Variants in CES5A observed in about 807,000 individuals in gnomAD.
CES5A encodes carboxylesterase 5.
Under a neutral mutation model 62.9 loss-of-function variants are expected in CES5A, and 67 were observed. The ratio of observed to expected loss-of-function variants is 1.07; its 90% CI spans 0.88 to 1.31. CES5A has a LOEUF of 1.31. Among genes scored for constraint, CES5A ranks in the 50% most tolerant of loss-of-function variants. The pLI is 0.00. For missense variants in CES5A, 748 were observed against 708.5 expected, an observed-to-expected ratio of 1.06 and a Z score of -0.63; for synonymous variants, 296 against 280.8, an observed-to-expected ratio of 1.05 and a Z score of -0.54.
intron 2 of CES5A, among the ~76,000 whole-genome samples, chr16:55,945,499 C>T (rs1480663885): frequency 1.3e-5 from 2 of 152,224 alleles, no homozygotes; most frequent in Non-Finnish European, 2.9e-5. Flanking sequence ...GCAAATTGGG[C>T]ATCCTAAATC....
upstream of CES5A, among the ~76,000 whole-genome samples, chr16:55,928,087 G>C (rs924070995): frequency 6.6e-6 from 1 of 151,936 alleles, no homozygotes; most frequent in East Asian, 1.9e-4. Flanking sequence ...ACTAAAAATA[G>C]AAAAAATTAG....
intron 6 of CES5A, among the ~76,000 whole-genome samples, chr16:55,862,308 C>A (rs1398592171): frequency 2.0e-5 from 3 of 152,162 alleles, no homozygotes; most frequent in African/African-American, 7.2e-5. Flanking sequence ...GTTACAGACC[C>A]TCTCCCTGGG....
At chr16:55,941,438 A>G (rs2034445172) in intron 2 of CES5A, among the ~76,000 whole-genome samples, 1 of 152,108 alleles carries the variant, frequency 6.6e-6, no homozygotes, top group Admixed American at 6.5e-5. Context: ...TGAAAACTAT[A>G]AGAAATGCTT....
chr16:55,931,690 C>T (rs777221557), intron 2 of CES5A, among the ~76,000 whole-genome samples: 13 of 152,160 alleles, frequency 8.5e-5, no homozygotes, highest in Non-Finnish European at 1.6e-4. Flanking sequence ...CCTCAGGAAT[C>T]CCCTTATCCA....
At chr16:55,860,478 A>T (rs1457476160) in intron 7 of CES5A, among the ~76,000 whole-genome samples, 1 of 152,138 alleles carries the variant, frequency 6.6e-6, no homozygotes, top group Non-Finnish European at 1.5e-5. Context: ...ACCTTCTTGT[A>T]GCTGGTCCTC....
intron 1 of CES5A, among the ~76,000 whole-genome samples, chr16:55,881,337 C>G (rs1174686201): frequency 6.6e-6 from 1 of 152,114 alleles, no homozygotes; most frequent in African/African-American, 2.4e-5. Context: ...GTGAATGAAT[C>G]GCGTGATGTG....
intron 2 of CES5A, chr16:55,943,916 G>C: frequency 3.1e-6 from 2 of 643,776 alleles, no homozygotes; most frequent in South Asian, 1.7e-5. Flanking sequence ...CCAGTAAGAG[G>C]GTCTAGAGCT....
chr16:55,929,717 T>C (rs1378074116), upstream of CES5A, among the ~76,000 whole-genome samples: 1 of 152,238 alleles, frequency 6.6e-6, no homozygotes, highest in Non-Finnish European at 1.5e-5. Flanking sequence ...TAGATTGTAT[T>C]GAAGAAAGTG....
In CES5A at chr16:55,891,852, C is replaced by G. The variant is rs534240294; in HGVS notation, c.-255-17815G>C. 1.4e-4 allele frequency among the ~76,000 whole-genome samples: 21 copies of G among 152,274 alleles called. No homozygotes were observed. In the South Asian group the frequency reaches 3.7e-3, roughly 27 times the overall value. ...TCATGACTTCCTTTCTAATCTGACT[C>G]TAGCGTAACATACGTGACAAAGAAG... On this transcript the variant is annotated intron_variant, in intron 1 of 12. Transcript: ENST00000518005.
chr16:55,953,478 C>A (rs1458584233), intron 1 of CES5A, among the ~76,000 whole-genome samples: 1 of 151,790 alleles, frequency 6.6e-6, no homozygotes, highest in Admixed American at 6.6e-5. Context: ...AATCAACACA[C>A]AAAATTAATA....
In CES5A at chr16:55,856,615, C is replaced by T. The variant is rs74782302; in HGVS notation, c.1057-170G>A. 9.4e-3 allele frequency among the ~76,000 whole-genome samples: 1,435 copies of T among 152,340 alleles called. 29 individuals carry two copies. Among genetic ancestry groups the T allele is most frequent in the African/African-American group, 0.033 (1,382 of 41,582 alleles). On this transcript the variant is annotated intron_variant, in intron 8 of 12. Transcript: ENST00000290567. ...AGTGTGCTTGTCAGATAGTTAATTT[C>T]TTCTCACTTTTGATAAAAGGCAGCT...
intron 1 of CES5A, among the ~76,000 whole-genome samples, chr16:55,903,637 A>G (rs541182278): frequency 6.6e-6 from 1 of 152,356 alleles, no homozygotes; most frequent in East Asian, 1.9e-4. Flanking sequence ...TAAGAGAAAT[A>G]GTAAAAATAA....
At chr16:55,852,445 TC>T (rs1160829763) in intron 10 of CES5A, among the ~76,000 whole-genome samples, 1 of 152,206 alleles carries the variant, frequency 6.6e-6, no homozygotes, top group East Asian at 1.9e-4. Context: ...GAATGTGGAA[TC>T]TAATGTTATG....
chr16:55,925,243 C>G (rs1020331723), intron 1 of CES5A: 3 of 151,882 alleles, frequency 2.0e-5, no homozygotes, highest in Non-Finnish European at 1.5e-5. Context: ...AAATGGCCAA[C>G]AAGTATATGA....
At chr16:55,911,169 C>G (rs1375785418) in intron 1 of CES5A, among the ~76,000 whole-genome samples, 1 of 152,126 alleles carries the variant, frequency 6.6e-6, no homozygotes, top group Non-Finnish European at 1.5e-5. Context: ...GTTGCTCTGC[C>G]CCAGCCCCCA....
Position 55,871,826 on chromosome 16 carries a change from C to T in CES5A, c.279-63G>A, listed in dbSNP as rs771604902. ...ATCAGCAAACTTGCCTGGGAAGGGC[C>T]AGTTCTTCTGACAGCGGGGAGGCCT... On this transcript the variant is annotated intron_variant, in intron 2 of 12. Transcript: ENST00000290567. 44 of 1,578,986 alleles carry T rather than the reference C, an allele frequency of 2.8e-5. No homozygotes were observed. The South Asian group carries it at 4.8e-4, about 17-fold the overall frequency.
intron 2 of CES5A, among the ~76,000 whole-genome samples, chr16:55,943,744 G>A (rs2034467216): frequency 6.6e-6 from 1 of 152,130 alleles, no homozygotes; most frequent in African/African-American, 2.4e-5. Context: ...GCAGGCTCCA[G>A]GCACCAGCTA....
upstream of CES5A, among the ~76,000 whole-genome samples, chr16:55,927,663 T>C (rs1435939062): frequency 6.6e-6 from 1 of 152,188 alleles, no homozygotes; most frequent in African/African-American, 2.4e-5. Context: ...TTATACATTG[T>C]TGGTGGGAAT....
At chr16:55,904,754 T>C (rs1001556755) in intron 1 of CES5A, among the ~76,000 whole-genome samples, 29 of 152,102 alleles carry the variant, frequency 1.9e-4, no homozygotes, top group Non-Finnish European at 4.3e-4. Flanking sequence ...GTGGAGGAAA[T>C]AGACCCACCT....
Sources: gnomAD v4.1 joint callset for allele counts (sites outside exome capture counted in the v4.1 genomes callset) on GRCh38, gnomAD v4.1.1 for gene constraint, MANE v1.5 for transcripts, NCBI Gene and HGNC (gene_info 2026-07-23, HGNC 2026-07-21) for gene names.